Variants in NPAS3 observed in about 807,000 individuals in gnomAD.
The protein encoded by NPAS3 is neuronal PAS domain protein 3, also known as neuronal PAS domain-containing protein 3.
Under a neutral mutation model 73.1 loss-of-function variants are expected in NPAS3, and 14 were observed. The ratio of observed to expected loss-of-function variants is 0.19; its 90% CI spans 0.13 to 0.30. NPAS3 has a LOEUF of 0.30. Among genes scored for constraint, NPAS3 ranks in the 10% least tolerant of loss-of-function variants. The probability of loss-of-function intolerance (pLI) is 1.00; values close to 1 mark genes in which losing one functional copy is unlikely to be tolerated. For synonymous variants in NPAS3, 620 were observed against 541.5 expected (o/e 1.14, Z -2.01); for missense variants, 1,096 against 1,250.0 (o/e 0.88, Z 1.86).
chr14:33,080,516 A>G (rs1188248278), intron 2 of NPAS3, among the ~76,000 whole-genome samples: 1 of 152,230 alleles, frequency 6.6e-6, no homozygotes, highest in South Asian at 2.1e-4. Context: ...CACAGTGACC[A>G]TTACCACTAA....
intron 2 of NPAS3, among the ~76,000 whole-genome samples, chr14:33,119,639 C>G (rs1249011981): frequency 6.6e-6 from 1 of 152,092 alleles, no homozygotes; most frequent in East Asian, 1.9e-4. Flanking sequence ...AAAATTACCT[C>G]ACACCATCTG....
chr14:33,022,726 T>C (rs939290179), intron 1 of NPAS3, among the ~76,000 whole-genome samples: 2 of 151,944 alleles, frequency 1.3e-5, no homozygotes, highest in East Asian at 3.9e-4. Flanking sequence ...CATTGTTTAT[T>C]TAGTGCCTGT....
intron 4 of NPAS3, among the ~76,000 whole-genome samples, chr14:33,412,434 G>T (rs960187093): frequency 1.3e-5 from 2 of 152,050 alleles, no homozygotes; most frequent in South Asian, 2.1e-4. Context: ...TTTATTTTTT[G>T]ACAAAATAAC....
At chr14:33,567,043 T>G (rs150439383) in intron 5 of NPAS3, among the ~76,000 whole-genome samples, 1 of 152,232 alleles carries the variant, frequency 6.6e-6, no homozygotes, top group Non-Finnish European at 1.5e-5. Flanking sequence ...ACGCCTAGAA[T>G]TTTTCTGTTG....
chr14:33,689,172 C>T (rs1159426510), intron 6 of NPAS3, among the ~76,000 whole-genome samples: 2 of 152,162 alleles, frequency 1.3e-5, no homozygotes, highest in Non-Finnish European at 2.9e-5. Flanking sequence ...ATATATGTGA[C>T]CTTGAGCAAG....
At chr14:33,678,335 G>A (rs951064199) in intron 6 of NPAS3, among the ~76,000 whole-genome samples, 3 of 152,032 alleles carry the variant, frequency 2.0e-5, no homozygotes, top group African/African-American at 7.3e-5. Context: ...CTGCCCTCTG[G>A]GACATTTCTG....
chr14:33,076,270 T>G (rs2041655788), intron 2 of NPAS3, among the ~76,000 whole-genome samples: 1 of 152,186 alleles, frequency 6.6e-6, no homozygotes, highest in Non-Finnish European at 1.5e-5. Context: ...TGTAAGGAAG[T>G]AAAGAGCTTT....
chr14:32,985,283 C>T (rs773963570), intron 1 of NPAS3, among the ~76,000 whole-genome samples: 10 of 151,966 alleles, frequency 6.6e-5, no homozygotes, highest in Admixed American at 2.0e-4. Context: ...AGGTAGGGCT[C>T]GTGTGTGTTG....
At chr14:33,788,328 C>T (rs1179053649) in intron 9 of NPAS3, among the ~76,000 whole-genome samples, 2 of 152,184 alleles carry the variant, frequency 1.3e-5, no homozygotes, top group Non-Finnish European at 2.9e-5. Flanking sequence ...CTCCTATCGC[C>T]ATGACGATAA....
chr14:33,566,546 T>C (rs79112318), intron 5 of NPAS3, among the ~76,000 whole-genome samples: 3,673 of 152,268 alleles, frequency 0.024, 137 homozygotes, highest in African/African-American at 0.077. Flanking sequence ...CTGTGCTCTG[T>C]ATCTTTGTTG....
intron 4 of NPAS3, among the ~76,000 whole-genome samples, chr14:33,558,354 G>A (rs994485810): frequency 8.6e-5 from 13 of 151,830 alleles, no homozygotes; most frequent in East Asian, 2.0e-4. Flanking sequence ...TCCTCCTCCC[G>A]GGCTCAAGTG....
At chr14:33,657,718 G>T (rs2059185818) in intron 5 of NPAS3, among the ~76,000 whole-genome samples, 1 of 152,138 alleles carries the variant, frequency 6.6e-6, no homozygotes, top group Non-Finnish European at 1.5e-5. Context: ...CCCTTGGCAG[G>T]AGTAGTCCTC....
intron 5 of NPAS3, among the ~76,000 whole-genome samples, chr14:33,664,922 G>T (rs571438624): frequency 1.2e-4 from 19 of 152,288 alleles, no homozygotes; most frequent in African/African-American, 4.3e-4. Context: ...GTGTAAACTC[G>T]TTCAACCATT....
At chr14:33,196,752 CAT>C (rs1383790134) in intron 2 of NPAS3, among the ~76,000 whole-genome samples, 1 of 152,184 alleles carries the variant, frequency 6.6e-6, no homozygotes, top group Admixed American at 6.5e-5. Flanking sequence ...CTTGATTTTA[CAT>C]GTTTACATTT....
At chr14:33,618,656 T>C (rs12588709) in intron 5 of NPAS3, among the ~76,000 whole-genome samples, 10,477 of 152,234 alleles carry the variant, frequency 0.069, 764 homozygotes, top group East Asian at 0.38. Context: ...GGCCTGGGAG[T>C]TGGGGATCCC....
chr14:33,731,392 C>T (rs989663828), intron 6 of NPAS3, among the ~76,000 whole-genome samples: 1 of 146,830 alleles, frequency 6.8e-6, no homozygotes, highest in Non-Finnish European at 1.5e-5. Context: ...GCACTCCAGC[C>T]TGAGTGACAG....
At chr14:33,588,035 A>C (rs767498246) in intron 5 of NPAS3, among the ~76,000 whole-genome samples, 2 of 152,228 alleles carry the variant, frequency 1.3e-5, no homozygotes, top group Non-Finnish European at 2.9e-5. Flanking sequence ...GTGTTCCCTA[A>C]AATGAAAGGT....
chr14:33,131,436 G>GGTGTAGCTATTATCTCCTAAGA (rs71118529), intron 2 of NPAS3, among the ~76,000 whole-genome samples: 4 of 152,018 alleles, frequency 2.6e-5, no homozygotes, highest in Non-Finnish European at 4.4e-5. Context: ...ACTTCCACGT[G>GGTGTAGCTATTATCTCCTAAGA]GTTAAGCAGA....
chr14:33,143,922 T>C (rs937281729), intron 2 of NPAS3, among the ~76,000 whole-genome samples: 1 of 152,254 alleles, frequency 6.6e-6, no homozygotes, highest in African/African-American at 2.4e-5. Context: ...GGTTGAATAG[T>C]ATTCCATTGT....
Sources: allele counts gnomAD v4.1 joint callset (sites outside exome capture counted in the v4.1 genomes callset), GRCh38; gene constraint gnomAD v4.1.1; transcripts MANE v1.5; gene names NCBI Gene and HGNC (gene_info 2026-07-23, HGNC 2026-07-21).